The following PTK2 variants were observed in gnomAD, a reference collection of about 807,000 sequenced individuals.
PTK2 encodes the protein protein tyrosine kinase 2, also known as focal adhesion kinase 1.
PTK2 carries 45 observed loss-of-function variants against 150.1 expected under a neutral mutation model. That is an observed-to-expected ratio of 0.30 (90% confidence interval 0.24 to 0.38). The LOEUF is 0.38. Ranked by LOEUF, PTK2 falls within the 10% of genes least tolerant of loss-of-function variation. The pLI is 1.00. For missense variants in PTK2, 919 were observed against 1,307.3 expected (o/e 0.70, Z 4.58); for synonymous variants, 432 against 449.2 (o/e 0.96, Z 0.48).
Position 140,985,881 on chromosome 8 carries a change from C to G in PTK2, c.-122+15244G>C, listed in dbSNP as rs534534535. 4.6e-5 allele frequency among the ~76,000 whole-genome samples: 7 copies of G among 151,470 alleles called. No individual in the cohort carries two copies. In the East Asian group the frequency reaches 1.4e-3, roughly 29 times the overall value. On this transcript the variant is annotated intron_variant, in intron 1 of 31. Transcript: ENST00000522684. The stretch of plus-strand genomic sequence containing the variant: ...TGTGCCACAGATTCACATTTCACCA[C>G]CTAAATCAGTCTAAGAATCTACACT...
intron 1 of PTK2, among the ~76,000 whole-genome samples, chr8:140,958,149 T>A (rs2100181835): frequency 6.6e-6 from 1 of 152,166 alleles, no homozygotes; most frequent in African/African-American, 2.4e-5. Context: ...ACTAATTTTT[T>A]GTTTTTGAGA....
intron 14 of PTK2, among the ~76,000 whole-genome samples, chr8:140,780,080 A>G (rs1450146601): frequency 6.6e-6 from 1 of 152,220 alleles, no homozygotes; most frequent in Admixed American, 6.5e-5. Context: ...TAAATAAAGG[A>G]AAAGAAAAAG....
intron 2 of PTK2, among the ~76,000 whole-genome samples, chr8:140,904,845 T>C (rs771428154): frequency 8.5e-5 from 13 of 152,176 alleles, no homozygotes; most frequent in Non-Finnish European, 1.9e-4. Context: ...AGTGGTGATA[T>C]CCCCTTTATC....
chr8:140,742,432 T>C (rs914680770), intron 20 of PTK2, among the ~76,000 whole-genome samples: 1 of 152,276 alleles, frequency 6.6e-6, no homozygotes, highest in African/African-American at 2.4e-5. Flanking sequence ...ACTTGTATGC[T>C]TAATTTTTAA....
At chr8:140,790,137 T>TA (rs1273554839) in intron 13 of PTK2, among the ~76,000 whole-genome samples, 2 of 152,118 alleles carry the variant, frequency 1.3e-5, no homozygotes, top group Non-Finnish European at 2.9e-5. Context: ...AAAAAATTGG[T>TA]AAAAAACTTT....
At chr8:140,848,060 T>A (rs1434018069) in intron 5 of PTK2, among the ~76,000 whole-genome samples, 1 of 152,218 alleles carries the variant, frequency 6.6e-6, no homozygotes. Context: ...GGAGAAATCA[T>A]AGTATAAACT....
At chr8:140,975,121 G>A (rs2100188801) in intron 1 of PTK2, among the ~76,000 whole-genome samples, 1 of 152,152 alleles carries the variant, frequency 6.6e-6, no homozygotes, top group African/African-American at 2.4e-5. Context: ...TAAATAGACT[G>A]TATGTTACTA....
At chr8:140,784,622 A>T (rs1566303844) in intron 14 of PTK2, among the ~76,000 whole-genome samples, 2 of 152,122 alleles carry the variant, frequency 1.3e-5, no homozygotes, top group African/African-American at 4.8e-5. Flanking sequence ...CAGCATACTT[A>T]CAGGTCCCTT....
In PTK2 at chr8:140,964,487, C is replaced by T. The variant is rs111981784; in HGVS notation, c.-122+36638G>A. 5.4e-3 allele frequency among the ~76,000 whole-genome samples: 825 copies of T among 151,950 alleles called. 10 individuals are homozygous for T. Among genetic ancestry groups the T allele is most frequent in the African/African-American group, 0.018 (754 of 41,426 alleles). ...CAACCTCCCAGGCTCATGCGATTCT[C>T]CTACATCGGTCTCCCAAGTAGTTGG... is the stretch of plus-strand genomic sequence containing the variant. On this transcript the variant is annotated intron_variant, in intron 1 of 31. Coordinates refer to ENST00000522684, the Ensembl canonical transcript of PTK2.
chr8:140,937,494 G>A (rs900128738), intron 1 of PTK2, among the ~76,000 whole-genome samples: 9 of 150,748 alleles, frequency 6.0e-5, no homozygotes, highest in African/African-American at 2.0e-4. Context: ...TGGCACCCTT[G>A]AATTACCCAG....
At chr8:140,997,816 A>T (rs1181408816) in intron 1 of PTK2, among the ~76,000 whole-genome samples, 1 of 152,066 alleles carries the variant, frequency 6.6e-6, no homozygotes, top group Non-Finnish European at 1.5e-5. Context: ...GTATGCACGT[A>T]TAGTGCCAGC....
intron 2 of PTK2, among the ~76,000 whole-genome samples, chr8:140,918,373 G>T (rs1255117503): frequency 4.6e-5 from 7 of 152,104 alleles, no homozygotes; most frequent in Non-Finnish European, 8.8e-5. Context: ...GTAAAAACTG[G>T]TATAATCAAA....
intron 7 of PTK2, among the ~76,000 whole-genome samples, chr8:140,836,277 A>G (rs986786318): frequency 2.6e-5 from 4 of 152,144 alleles, no homozygotes; most frequent in African/African-American, 7.2e-5. Context: ...TATAGTTTCC[A>G]GGAACCTATT....
At chr8:140,693,319 C>T (rs1328945909) in intron 26 of PTK2, among the ~76,000 whole-genome samples, 5 of 151,970 alleles carry the variant, frequency 3.3e-5, no homozygotes, top group African/African-American at 4.8e-5. Flanking sequence ...TTTGTGAAGC[C>T]ATGGTGGGAG....
At chr8:140,684,100 C>G (rs189401470) in intron 27 of PTK2, among the ~76,000 whole-genome samples, 65 of 152,292 alleles carry the variant, frequency 4.3e-4, no homozygotes, top group Non-Finnish European at 8.1e-4. Flanking sequence ...TGATTTTATA[C>G]ACAGAAAACG....
chr8:140,849,743 T>C (rs1427371839), intron 5 of PTK2, among the ~76,000 whole-genome samples: 1 of 152,256 alleles, frequency 6.6e-6, no homozygotes, highest in African/African-American at 2.4e-5. Context: ...ATTTCTGATC[T>C]TTACAATAAT....
chr8:140,684,819 C>T (rs1337372751), intron 27 of PTK2, among the ~76,000 whole-genome samples: 1 of 152,126 alleles, frequency 6.6e-6, no homozygotes, highest in Non-Finnish European at 1.5e-5. Flanking sequence ...GGTCATACCG[C>T]CCAAAGCTTT....
intron 30 of PTK2, 39 bp downstream of exon 34, chr8:140,668,228 CAA>C (rs1456130327): frequency 6.2e-7 from 1 of 1,611,500 alleles, no homozygotes; most frequent in Admixed American, 1.7e-5. Flanking sequence ...TTACAGGAAA[CAA>C]GAACATTTTT....
At chr8:140,878,412 C>T (rs996490795) in intron 4 of PTK2, among the ~76,000 whole-genome samples, 4 of 152,108 alleles carry the variant, frequency 2.6e-5, no homozygotes, top group African/African-American at 9.7e-5. Context: ...TCTGTCTGGG[C>T]AACATGCTGA....
Sources: gnomAD v4.1 joint callset for allele counts (sites outside exome capture counted in the v4.1 genomes callset) on GRCh38, gnomAD v4.1.1 for gene constraint, MANE v1.5 for transcripts, NCBI Gene and HGNC (gene_info 2026-07-23, HGNC 2026-07-21) for gene names.